The following ATP8A1 variants were observed in gnomAD, a reference collection of about 807,000 sequenced individuals.
ATP8A1 encodes ATPase phospholipid transporting 8A1.
ATP8A1 carries 90 observed loss-of-function variants against 177.7 expected under a neutral mutation model. The observed-to-expected ratio is 0.51, with a 90% CI of 0.43 to 0.60. ATP8A1 has a LOEUF of 0.60. Among genes scored for constraint, ATP8A1 ranks in the 20% least tolerant of loss-of-function variants. ATP8A1 has a pLI of 0.00. For missense variants in ATP8A1, 1,072 were observed against 1,392.8 expected (o/e 0.77, Z 3.67); for synonymous variants, 493 against 485.9 (o/e 1.01, Z -0.19).
At chr4:42,600,444 C>T in intron 6 of ATP8A1, 34 bp downstream of exon 6, 2 of 1,584,544 alleles carry the variant, frequency 1.3e-6, no homozygotes, top group South Asian at 1.2e-5. Context: ...CTATGTATTT[C>T]TTCTCCTGGA....
intron 19 of ATP8A1, among the ~76,000 whole-genome samples, chr4:42,548,096 G>C (rs1315262584): frequency 6.6e-6 from 1 of 152,098 alleles, no homozygotes; most frequent in Non-Finnish European, 1.5e-5. Context: ...ATAACTGAAG[G>C]GATCTATTAT....
In ATP8A1 at chr4:42,624,053, T is replaced by C. The variant is rs552844643; in HGVS notation, c.363+483A>G. ...TCCCCTTTCTCTTATTACCACAGAA[T>C]AAAAATAGCTAATTTGGTTACTATT... is the stretch of plus-strand genomic sequence containing the variant. On this transcript the variant is annotated intron_variant, in intron 4 of 36. Coordinates refer to ENST00000381668, the MANE Select transcript of ATP8A1 (RefSeq NM_006095.2). Among the ~76,000 whole-genome samples the C allele has an allele frequency of 3.3e-3, 496 of 152,036 alleles. 3 individuals are homozygous for C. In the Middle Eastern group the frequency reaches 0.041, roughly 13 times the overall value.
intron 15 of ATP8A1, among the ~76,000 whole-genome samples, chr4:42,564,941 G>A (rs983653798): frequency 6.6e-6 from 1 of 152,130 alleles, no homozygotes; most frequent in African/African-American, 2.4e-5. Context: ...GGTCTTTCCT[G>A]TGCTGTTCTC....
chr4:42,459,741 T>C (rs1382719008), intron 27 of ATP8A1, among the ~76,000 whole-genome samples: 1 of 152,156 alleles, frequency 6.6e-6, no homozygotes, highest in African/African-American at 2.4e-5. Context: ...AGTAAGTTCA[T>C]TTACGTATCT....
intron 20 of ATP8A1, among the ~76,000 whole-genome samples, chr4:42,530,374 C>T (rs1727138490): frequency 6.6e-6 from 1 of 152,250 alleles, no homozygotes; most frequent in Non-Finnish European, 1.5e-5. Context: ...GGTTTATCCT[C>T]ACTGGAACAG....
chr4:42,482,862 C>G lies in ATP8A1; in HGVS notation c.2324+2634G>C, dbSNP rs1721834650. On this transcript the variant is annotated intron_variant, in intron 25 of 36. Coordinates refer to ENST00000381668, the MANE Select transcript of ATP8A1 (RefSeq NM_006095.2). Reference sequence around the variant, plus strand: ...ATCTGCATGTGTGTGGAATGACAAGCAGTAGATTGGAAAATAGTTTAAATT... The same window carrying G: ...ATCTGCATGTGTGTGGAATGACAAGGAGTAGATTGGAAAATAGTTTAAATT... 2.0e-5 allele frequency among the ~76,000 whole-genome samples: 3 copies of G among 151,972 alleles called. No homozygotes were observed. The South Asian group carries it at 6.2e-4, about 32-fold the overall frequency.
At chr4:42,432,507 A>G (rs935524598) in intron 33 of ATP8A1, among the ~76,000 whole-genome samples, 2 of 152,186 alleles carry the variant, frequency 1.3e-5, no homozygotes, top group Non-Finnish European at 2.9e-5. Context: ...CTGGTGAAAT[A>G]CCATGGTGGG....
intron 15 of ATP8A1, chr4:42,561,320 T>C (rs1730805604): frequency 6.6e-6 from 1 of 152,240 alleles, no homozygotes; most frequent in Non-Finnish European, 1.5e-5. Context: ...GTCAATAACC[T>C]TTTCCAGAAA....
intron 25 of ATP8A1, among the ~76,000 whole-genome samples, chr4:42,469,430 G>C (rs889585320): frequency 7.2e-5 from 11 of 152,120 alleles, no homozygotes; most frequent in African/African-American, 2.7e-4. Flanking sequence ...GGCTGAAAGG[G>C]ATTCAGGTTT....
intron 9 of ATP8A1, among the ~76,000 whole-genome samples, chr4:42,585,771 G>A (rs1260418680): frequency 6.6e-6 from 1 of 151,934 alleles, no homozygotes. Flanking sequence ...ATATGTACTG[G>A]TTGAATGAAT....
intron 21 of ATP8A1, 27 bp from the exon 22 acceptor site, chr4:42,522,326 A>G: frequency 6.2e-7 from 1 of 1,602,690 alleles, no homozygotes; most frequent in Non-Finnish European, 8.5e-7. Flanking sequence ...ACATCACCCC[A>G]ACACACCAAA....
intron 22 of ATP8A1, among the ~76,000 whole-genome samples, chr4:42,512,734 C>T (rs955655275): frequency 2.0e-5 from 3 of 152,120 alleles, no homozygotes; most frequent in East Asian, 1.9e-4. Context: ...CAGAATCACC[C>T]GAGGAGCTTA....
intron 11 of ATP8A1, among the ~76,000 whole-genome samples, chr4:42,579,572 T>TA (rs1376009302): frequency 6.6e-5 from 10 of 151,878 alleles, no homozygotes; most frequent in African/African-American, 2.2e-4. Context: ...TGACTATACT[T>TA]AGTGAACATT....
intron 33 of ATP8A1, among the ~76,000 whole-genome samples, chr4:42,437,128 C>T (rs954503680): frequency 1.3e-5 from 2 of 152,214 alleles, no homozygotes; most frequent in South Asian, 2.1e-4. Context: ...AGATGGTGCT[C>T]GGGAGGACTT....
intron 15 of ATP8A1, among the ~76,000 whole-genome samples, chr4:42,567,045 C>A (rs954283104): frequency 6.6e-6 from 1 of 152,122 alleles, no homozygotes; most frequent in Admixed American, 6.6e-5. Flanking sequence ...GACATTCAGG[C>A]AAAGAGTTGA....
Position 42,459,883 on chromosome 4 carries a change from C to T in ATP8A1, c.2620-4284G>A, listed in dbSNP as rs187320238. ...CTCTGCTCACTGCAAGCTCCACCTC[C>T]CGGGTTCACGCCATTCTCCTGCCTC... is the stretch of plus-strand genomic sequence containing the variant. On this transcript the variant is annotated intron_variant, in intron 27 of 36. Transcript: ENST00000381668. Among the ~76,000 whole-genome samples, 1,150 of 152,154 alleles carry T rather than the reference C, an allele frequency of 7.6e-3. 4 individuals carry two copies. Among genetic ancestry groups the T allele is most frequent in the Non-Finnish European group, 0.012 (801 of 67,990 alleles).
chr4:42,439,165 G>C (rs1377618839), intron 33 of ATP8A1, among the ~76,000 whole-genome samples: 1 of 152,144 alleles, frequency 6.6e-6, no homozygotes, highest in Non-Finnish European at 1.5e-5. Context: ...GTTAACTAGA[G>C]CAAAATATCT....
At chr4:42,429,481 A>G (rs1026950879) in intron 33 of ATP8A1, among the ~76,000 whole-genome samples, 2 of 152,080 alleles carry the variant, frequency 1.3e-5, no homozygotes, top group African/African-American at 4.8e-5. Context: ...TTAATTAACT[A>G]CACAGTATGA....
chr4:42,652,302 T>C (rs567102225), intron 1 of ATP8A1, among the ~76,000 whole-genome samples: 4 of 152,298 alleles, frequency 2.6e-5, no homozygotes, highest in Admixed American at 2.6e-4. Context: ...GGGAGGCTCA[T>C]TAAGAATGCG....
Sources: gnomAD v4.1 joint callset for allele counts (sites outside exome capture counted in the v4.1 genomes callset) on GRCh38, gnomAD v4.1.1 for gene constraint, MANE v1.5 for transcripts, NCBI Gene and HGNC (gene_info 2026-07-23, HGNC 2026-07-21) for gene names.